PIK3C2G: variants seen among roughly 807,000 people sequenced by gnomAD.
PIK3C2G encodes phosphatidylinositol 3-kinase C2 domain-containing subunit gamma.
Under a neutral mutation model 181.1 loss-of-function variants are expected in PIK3C2G, and 168 were observed. That is an observed-to-expected ratio of 0.93 (90% CI 0.82 to 1.05). The LOEUF (loss-of-function observed/expected upper bound fraction) is 1.05, where lower values mean the gene tolerates loss of function less well. Ranked by LOEUF, PIK3C2G falls within the 50% of genes least tolerant of loss-of-function variation. PIK3C2G has a pLI of 0.00. For synonymous variants in PIK3C2G, 573 were observed against 592.2 expected (o/e 0.97, Z 0.47); for missense variants, 1,869 against 1,732.8 (o/e 1.08, Z -1.40).
chr12:18,494,308 A>AACTC (rs1472127769), intron 20 of PIK3C2G, among the ~76,000 whole-genome samples: 1 of 152,088 alleles, frequency 6.6e-6, no homozygotes, highest in African/African-American at 2.4e-5. Context: ...GATCTAGTAA[A>AACTC]ACTCTGAAAA....
At chr12:18,509,874 T>C (rs1424300503) in intron 24 of PIK3C2G, among the ~76,000 whole-genome samples, 1 of 152,206 alleles carries the variant, frequency 6.6e-6, no homozygotes, top group Non-Finnish European at 1.5e-5. Flanking sequence ...TTAATGATTC[T>C]GGGGAAAATT....
intron 24 of PIK3C2G, among the ~76,000 whole-genome samples, chr12:18,514,996 T>C (rs564407902): frequency 6.6e-6 from 1 of 152,162 alleles, no homozygotes; most frequent in East Asian, 1.9e-4. Flanking sequence ...CTTGAAGCAA[T>C]TATATGATTT....
upstream of PIK3C2G, among the ~76,000 whole-genome samples, chr12:18,245,419 C>A (rs552923128): frequency 2.6e-5 from 4 of 151,994 alleles, no homozygotes; most frequent in African/African-American, 9.6e-5. Flanking sequence ...GTTAGATTTC[C>A]TTTGAATATT....
intron 24 of PIK3C2G, among the ~76,000 whole-genome samples, chr12:18,530,969 G>T (rs1943523638): frequency 6.6e-6 from 1 of 152,004 alleles, no homozygotes; most frequent in South Asian, 2.1e-4. Flanking sequence ...TACACCTTTG[G>T]GATACTAGAC....
chr12:18,292,309 T>C (rs925771560), intron 4 of PIK3C2G, among the ~76,000 whole-genome samples: 3 of 147,148 alleles, frequency 2.0e-5, no homozygotes, highest in Non-Finnish European at 3.0e-5. Flanking sequence ...TAGGAATATA[T>C]GAAAAACACA....
Position 18,609,547 on chromosome 12 carries a change from C to T in PIK3C2G, c.4100C>T (p.Pro1367Leu), listed in dbSNP as rs781458222. Residue 1367 changes from proline to leucine, a missense_variant, in exon 31 of 33, where the codon CCA (proline) becomes CTA (leucine). By Grantham distance (98) the Pro-to-Leu change is moderately conservative. Coordinates refer to ENST00000538779, the MANE Select transcript of PIK3C2G (RefSeq NM_001288772.2). ...ATTCTTTTATCAGGTGAGAAGTTTC[C>T]AGACAAGAAGCCTAAGGTGCAGTTA... is the stretch of plus-strand genomic sequence containing the variant. ...SSPVYLGEKF[P>L]DKKPKVQLVI... 1.3e-6 allele frequency: 2 copies of T among 1,578,962 alleles called. No homozygotes were observed. The highest frequency in any genetic ancestry group is 1.3e-5 in the African/African-American group (1 of 74,116).
chr12:18,681,067 C>T, the PIK3C2G span, among the ~76,000 whole-genome samples: 21 of 151,942 alleles, frequency 1.4e-4, no homozygotes, highest in Admixed American at 9.2e-4. Flanking sequence ...TTGTCTTTGT[C>T]GTGTTCCGTC....
chr12:18,470,483 A>C (rs941880347), intron 18 of PIK3C2G, among the ~76,000 whole-genome samples: 3 of 152,184 alleles, frequency 2.0e-5, no homozygotes, highest in Admixed American at 6.6e-5. Context: ...AAATCTGCAA[A>C]GGGCTGAATG....
At chr12:18,565,055 C>A (rs1377876610) in intron 28 of PIK3C2G, among the ~76,000 whole-genome samples, 1 of 152,156 alleles carries the variant, frequency 6.6e-6, no homozygotes, top group Non-Finnish European at 1.5e-5. Context: ...GTGTAAGCAA[C>A]CTGTGGAGGC....
Position 18,497,634 on chromosome 12 carries a change from C to T in PIK3C2G, c.2902C>T (p.Arg968Cys), listed in dbSNP as rs368805708. The T allele has an allele frequency of 1.9e-5, 30 of 1,611,954 alleles. No homozygotes were observed. Among genetic ancestry groups the T allele is most frequent in the East Asian group, 2.2e-5 (1 of 44,810 alleles). The change falls in exon 22 of 33, where the codon CGT becomes TGT. Residue 968 changes from arginine (R) to cysteine (C), a missense_variant. Transcript: ENST00000538779. ...TTTTTAACAGGCTGGAGATGATCTT[C>T]GTCAGGATATGCTTGTTCTGCAGCT... ...SIIFKAGDDLRQDMLVLQLIQ... is the reference protein window; with the variant it reads ...SIIFKAGDDLCQDMLVLQLIQ...
intron 7 of PIK3C2G, 120 bp downstream of exon 7, chr12:18,321,152 T>C: frequency 3.4e-6 from 2 of 592,446 alleles, no homozygotes. Flanking sequence ...GAAGCTATTG[T>C]ACTTTTAACA....
At chr12:18,424,252 C>T (rs180721872) in intron 18 of PIK3C2G, among the ~76,000 whole-genome samples, 411 of 152,168 alleles carry the variant, frequency 2.7e-3, no homozygotes, top group African/African-American at 8.9e-3. Flanking sequence ...TACTGTTAAT[C>T]AGGAAGTTAA....
rs779733977 is a variant in PIK3C2G at position 18,282,520 on chromosome 12, T to C, written c.439T>C (p.Ser147Pro). 6.2e-6 allele frequency: 10 copies of C among 1,611,036 alleles called. No individual in the cohort carries two copies. The highest frequency in any genetic ancestry group is 4.4e-5 in the South Asian group (4 of 91,028). Reference sequence around the variant, plus strand: ...TTCCAGATTCAGTATTTTAGCTCCATCATTCACAAGTTTGGATAAAATTAA... The same window carrying C: ...TTCCAGATTCAGTATTTTAGCTCCACCATTCACAAGTTTGGATAAAATTAA... ...DDSRFSILAP[S>P]FTSLDKINLE... Residue 147 changes from serine (S) to proline (P), a missense_variant, in exon 2 of 33, where the codon TCA becomes CCA. By Grantham distance (74) the Ser-to-Pro change is moderately conservative. Coordinates refer to ENST00000538779, the MANE Select transcript of PIK3C2G (RefSeq NM_001288772.2).
the PIK3C2G span, chr12:18,694,218 C>G: frequency 1.6e-6 from 1 of 620,448 alleles, no homozygotes; most frequent in South Asian, 2.1e-5. Context: ...AGCAAAACAT[C>G]CTGTGTCTTT....
At chr12:18,314,142 C>G (rs1950760446) in intron 6 of PIK3C2G, 78 bp downstream of exon 6, 1 of 689,450 alleles carries the variant, frequency 1.5e-6, no homozygotes, top group African/African-American at 1.8e-5. Context: ...TGAACTATTG[C>G]CAACTTGGAA....
At position 18,471,400 on chromosome 12, in the gene PIK3C2G, C is replaced by T. The variant is rs148253908; in HGVS notation, c.2505-17049C>T. On this transcript the variant is annotated intron_variant, in intron 18 of 32. Coordinates refer to ENST00000538779, the MANE Select transcript of PIK3C2G (RefSeq NM_001288772.2). ...CCTATAGAACAAATCTACCTTTTGG[C>T]TTAGGTATTTAAGACCTTCCAAATC... 3.7e-3 allele frequency among the ~76,000 whole-genome samples: 557 copies of T among 152,246 alleles called. 6 individuals are homozygous for T. The highest frequency in any genetic ancestry group is 0.012 in the African/African-American group (509 of 41,540).
At chr12:18,306,259 C>T (rs1950416919) in intron 5 of PIK3C2G, among the ~76,000 whole-genome samples, 1 of 151,788 alleles carries the variant, frequency 6.6e-6, no homozygotes, top group South Asian at 2.1e-4. Flanking sequence ...GGTCCAAATC[C>T]CTCTTGAGTA....
intron 11 of PIK3C2G, among the ~76,000 whole-genome samples, chr12:18,352,134 T>C (rs1370682755): frequency 6.6e-6 from 1 of 152,258 alleles, no homozygotes; most frequent in Admixed American, 6.5e-5. Flanking sequence ...AACTCTGTTT[T>C]ATTTAATCCT....
At chr12:18,590,578 G>T (rs895289432) in intron 29 of PIK3C2G, among the ~76,000 whole-genome samples, 1 of 151,700 alleles carries the variant, frequency 6.6e-6, no homozygotes, top group Admixed American at 6.6e-5. Context: ...GGAGAACACC[G>T]GCATAGGTTA....
Sources: gnomAD v4.1 joint callset for allele counts (sites outside exome capture counted in the v4.1 genomes callset) on GRCh38, gnomAD v4.1.1 for gene constraint, MANE v1.5 for transcripts, NCBI Gene and HGNC (gene_info 2026-07-23, HGNC 2026-07-21) for gene names.